Variants in ROBO1 observed in about 807,000 individuals in gnomAD.
ROBO1 encodes roundabout guidance receptor 1.
Under a neutral mutation model 195.9 loss-of-function variants are expected in ROBO1, and 149 were observed. The observed-to-expected ratio is 0.76, with a 90% CI of 0.67 to 0.87. The LOEUF (loss-of-function observed/expected upper bound fraction) is 0.87. ROBO1 is among the 40% of genes least tolerant of loss of function. ROBO1 has a pLI of 0.00. For missense variants in ROBO1, 1,933 were observed against 2,068.3 expected, an observed-to-expected ratio of 0.93 and a Z score of 1.27; for synonymous variants, 816 against 733.2, an observed-to-expected ratio of 1.11 and a Z score of -1.82.
chr3:79,667,556 T>C (rs1946510322), intron 1 of ROBO1, among the ~76,000 whole-genome samples: 1 of 151,878 alleles, frequency 6.6e-6, no homozygotes, highest in Admixed American at 6.6e-5. Context: ...ATCTTAATAC[T>C]GTTTGAAAGA....
chr3:79,405,438 C>A (rs2037510713), intron 2 of ROBO1, among the ~76,000 whole-genome samples: 1 of 152,194 alleles, frequency 6.6e-6, no homozygotes, highest in Non-Finnish European at 1.5e-5. Flanking sequence ...GGCCCAGTCA[C>A]CTCTGTGGCT....
intron 1 of ROBO1, among the ~76,000 whole-genome samples, chr3:79,758,889 T>C (rs767039147): frequency 6.6e-6 from 1 of 152,194 alleles, no homozygotes; most frequent in Non-Finnish European, 1.5e-5. Flanking sequence ...AATTTGTTCA[T>C]TTTCCAAAAT....
chr3:79,357,660 T>A (rs893246736), intron 2 of ROBO1, among the ~76,000 whole-genome samples: 3 of 152,132 alleles, frequency 2.0e-5, no homozygotes, highest in African/African-American at 4.8e-5. Context: ...GCTAATGAAT[T>A]TCCCTGAGGA....
intron 1 of ROBO1, among the ~76,000 whole-genome samples, chr3:79,614,324 T>A (rs1944753828): frequency 6.6e-6 from 1 of 152,042 alleles, no homozygotes; most frequent in Non-Finnish European, 1.5e-5. Context: ...GCATGGGAAA[T>A]TCCCAAATGT....
At chr3:78,707,160 C>A (rs1047373957) in intron 8 of ROBO1, among the ~76,000 whole-genome samples, 3 of 152,118 alleles carry the variant, frequency 2.0e-5, no homozygotes, top group African/African-American at 7.2e-5. Context: ...ACTGCGGTGT[C>A]CTAGATATTC....
At chr3:78,615,036 GC>G (rs943130251) in intron 27 of ROBO1, among the ~76,000 whole-genome samples, 2 of 152,098 alleles carry the variant, frequency 1.3e-5, no homozygotes, top group African/African-American at 2.4e-5. Flanking sequence ...AAACCGCAGT[GC>G]TTTTATTCTG....
chr3:78,692,567 G>C (rs2107867427), intron 8 of ROBO1, among the ~76,000 whole-genome samples: 1 of 152,210 alleles, frequency 6.6e-6, no homozygotes, highest in South Asian at 2.1e-4. Flanking sequence ...CGCCATGCCA[G>C]ACCTATTGTA....
chr3:79,307,605 T>G (rs759699904), intron 2 of ROBO1, among the ~76,000 whole-genome samples: 1 of 152,038 alleles, frequency 6.6e-6, no homozygotes, highest in Non-Finnish European at 1.5e-5. Context: ...TATGAAATAT[T>G]TATAATATAT....
At chr3:79,745,612 G>T (rs1703839217) in intron 1 of ROBO1, among the ~76,000 whole-genome samples, 1 of 152,034 alleles carries the variant, frequency 6.6e-6, no homozygotes, top group South Asian at 2.1e-4. Context: ...TTTCAAAATG[G>T]GTGTGATAAT....
intron 3 of ROBO1, among the ~76,000 whole-genome samples, chr3:79,042,820 T>G (rs2078513575): frequency 6.6e-6 from 1 of 152,182 alleles, no homozygotes; most frequent in Non-Finnish European, 1.5e-5. Flanking sequence ...AAGCTGCTAC[T>G]GAAATAAAAT....
At chr3:78,798,400 G>T (rs1056999022) in intron 4 of ROBO1, among the ~76,000 whole-genome samples, 5 of 152,118 alleles carry the variant, frequency 3.3e-5, no homozygotes, top group Admixed American at 3.3e-4. Context: ...AAAATTTGAT[G>T]CTATCAGAAT....
chr3:79,494,460 A>AT (rs537574699), intron 2 of ROBO1, among the ~76,000 whole-genome samples: 1 of 152,192 alleles, frequency 6.6e-6, no homozygotes, highest in Non-Finnish European at 1.5e-5. Flanking sequence ...AAAAAATACA[A>AT]TTTTTTAAAA....
chr3:79,349,115 A>G (rs2035244280), intron 2 of ROBO1, among the ~76,000 whole-genome samples: 1 of 152,164 alleles, frequency 6.6e-6, no homozygotes, highest in African/African-American at 2.4e-5. Context: ...CGAAAGTAAA[A>G]TATCTGTGGT....
chr3:78,659,787 C>T lies in ROBO1; in HGVS notation c.2341G>A (p.Gly781Ser), dbSNP rs1255627498. The T allele has an allele frequency of 1.2e-6, 2 of 1,604,582 alleles. No homozygotes were observed. The highest frequency in any genetic ancestry group is 1.7e-6 in the Non-Finnish European group (2 of 1,175,242). The change falls in exon 17 of 31, where the codon GGT becomes AGT. Residue 781 changes from glycine (G) to serine (S), a missense_variant. Transcript: ENST00000464233. ...CCATCATTCTTGGATACAGTTACACCTTGGGGTGGGGCACTGGGTGCTATT... is the reference window on the plus strand; with the variant it reads ...CCATCATTCTTGGATACAGTTACACTTTGGGGTGGGGCACTGGGTGCTATT... ...LEEAPSAPPQ[G>S]VTVSKNDGNG...
intron 1 of ROBO1, among the ~76,000 whole-genome samples, chr3:79,657,275 G>A (rs1317367312): frequency 1.3e-5 from 2 of 151,990 alleles, no homozygotes; most frequent in Non-Finnish European, 2.9e-5. Flanking sequence ...ACACAATGCT[G>A]AATAAGCATT....
At chr3:78,902,161 T>C (rs530084005) in intron 4 of ROBO1, among the ~76,000 whole-genome samples, 3 of 152,290 alleles carry the variant, frequency 2.0e-5, no homozygotes, top group Admixed American at 2.0e-4. Flanking sequence ...TTCTAGGATT[T>C]ATGAAATAAA....
In ROBO1 at chr3:78,851,104, G is replaced by A. The variant is rs996030652; in HGVS notation, c.499+87497C>T. 1.1e-4 allele frequency among the ~76,000 whole-genome samples: 17 copies of A among 152,098 alleles called. No individual in the cohort carries two copies. In the South Asian group the frequency reaches 2.5e-3, roughly 22 times the overall value. On this transcript the variant is annotated intron_variant, in intron 4 of 30. Coordinates refer to ENST00000464233, the MANE Select transcript of ROBO1 (RefSeq NM_002941.4). Reference sequence around the variant, plus strand: ...ATTACAGGTGTGAGCCACCACGCCCGGTCACACCTATCATTTTCTTTGTGT... The same window carrying A: ...ATTACAGGTGTGAGCCACCACGCCCAGTCACACCTATCATTTTCTTTGTGT...
chr3:79,443,574 A>T (rs1180763741), intron 2 of ROBO1, among the ~76,000 whole-genome samples: 2 of 152,172 alleles, frequency 1.3e-5, no homozygotes, highest in Non-Finnish European at 2.9e-5. Flanking sequence ...GAAATATAGC[A>T]CTTTTTGTTA....
chr3:79,164,206 G>C (rs1432305109), intron 2 of ROBO1, among the ~76,000 whole-genome samples: 1 of 152,118 alleles, frequency 6.6e-6, no homozygotes. Flanking sequence ...CATAAATGTG[G>C]TCCAATTCCT....
Sources: allele counts gnomAD v4.1 joint callset (sites outside exome capture counted in the v4.1 genomes callset), GRCh38; gene constraint gnomAD v4.1.1; transcripts MANE v1.5; gene names NCBI Gene and HGNC (gene_info 2026-07-23, HGNC 2026-07-21).